Variants in DHX32 observed in about 807,000 individuals in gnomAD.
The protein encoded by DHX32 is DEAH-box helicase 32 (putative).
Under a neutral mutation model 70.0 loss-of-function variants are expected in DHX32, and 51 were observed. The ratio of observed to expected loss-of-function variants is 0.73; its 90% confidence interval spans 0.58 to 0.92. DHX32 has a LOEUF of 0.92. DHX32 is among the 40% of genes least tolerant of loss of function. DHX32 has a pLI of 0.00. For synonymous variants in DHX32, 310 were observed against 315.3 expected (o/e 0.98, Z 0.18); for missense variants, 762 against 891.8 (o/e 0.85, Z 1.85).
intron 2 of DHX32, among the ~76,000 whole-genome samples, chr10:125,861,455 C>T (rs979658993): frequency 6.6e-6 from 1 of 152,096 alleles, no homozygotes; most frequent in Non-Finnish European, 1.5e-5. Flanking sequence ...CGAGATTGCG[C>T]CAGGGCACTC....
chr10:125,857,605 A>G (rs1944156728), intron 3 of DHX32, among the ~76,000 whole-genome samples: 1 of 152,152 alleles, frequency 6.6e-6, no homozygotes, highest in African/African-American at 2.4e-5. Flanking sequence ...GTCCTGTGGC[A>G]TTTACAGTTT....
intron 3 of DHX32, among the ~76,000 whole-genome samples, chr10:125,856,650 A>G (rs1352218824): frequency 6.6e-6 from 1 of 152,186 alleles, no homozygotes; most frequent in Non-Finnish European, 1.5e-5. Context: ...ACTTCTTAAT[A>G]TAAAAAATGG....
At position 125,880,934 on chromosome 10, in the gene DHX32, C is replaced by A; in HGVS notation, c.-110G>T. On this transcript the variant is annotated 5_prime_UTR_variant, in exon 1 of 11. Coordinates refer to ENST00000284690, the MANE Select transcript of DHX32 (RefSeq NM_018180.3). ...CCTATTTATACAAACCCGTATGTTC[C>A]AATCTCTAAGACTTCAGTTCAAGGT... 1.5e-6 allele frequency: 2 copies of A among 1,300,416 alleles called. No homozygotes were observed. Among genetic ancestry groups the A allele is most frequent in the Non-Finnish European group, 2.1e-6 (2 of 948,038 alleles). 80.6% of individuals were successfully genotyped at this position (1,300,416 alleles called of 1,614,324 possible). A position where few individuals can be genotyped will look rare whatever the true frequency, so the allele number is the denominator to read the frequency against.
intron 1 of DHX32, among the ~76,000 whole-genome samples, chr10:125,892,494 TC>T (rs1200740407): frequency 6.6e-6 from 1 of 152,264 alleles, no homozygotes; most frequent in African/African-American, 2.4e-5. Flanking sequence ...TGGGCTTACT[TC>T]CTCCCATTTT....
chr10:125,860,119 G>T, intron 2 of DHX32, 144 bp from the exon 3 acceptor site: 1 of 687,422 alleles, frequency 1.5e-6, no homozygotes. Context: ...CCTTTAAGTT[G>T]ATACAATCTA....
At chr10:125,875,313 C>A (rs1165356427) in intron 1 of DHX32, among the ~76,000 whole-genome samples, 1 of 151,792 alleles carries the variant, frequency 6.6e-6, no homozygotes, top group African/African-American at 2.4e-5. Flanking sequence ...GGAACAAGGA[C>A]TCCTGGAGAA....
chr10:125,841,777 T>A lies in DHX32; in HGVS notation c.1509A>T (p.Val503=). The stretch of plus-strand genomic sequence containing the variant: ...TGGCTGCGATTGTTAGCACTTCATC[T>A]ACACAGTCAAATTCACAGGACGCTA... The part of the protein sequence containing the change: ...SILASCEFDC[V]DEVLTIAAMV... The change falls in exon 7 of 11, where the codon GTA becomes GTT. Residue 503 remains valine (V), a synonymous_variant. Coordinates refer to ENST00000284690, the MANE Select transcript of DHX32 (RefSeq NM_018180.3). The A allele has an allele frequency of 6.2e-7, 1 of 1,612,756 alleles. No individual in the cohort carries two copies. Among genetic ancestry groups the A allele is most frequent in the Non-Finnish European group, 8.5e-7 (1 of 1,179,794 alleles).
At chr10:125,884,094 A>T (rs547215433), upstream of DHX32, among the ~76,000 whole-genome samples, 1 of 152,306 alleles carries the variant, frequency 6.6e-6, no homozygotes, top group East Asian at 1.9e-4. Context: ...ACTCTGGAAC[A>T]TCTATTTCGA....
At position 125,854,184 on chromosome 10, in the gene DHX32, T is replaced by C. The variant is rs34050865; in HGVS notation, c.869A>G (p.Glu290Gly). ...ACEQDIEKVC[E>G]TVYQGSNLNP... ...TAGGTTAGATCCTTGATAGACAGTT[T>C]CACAGACTTTCTCAATATCCTAAAG... The change falls in exon 4 of 11, where the codon GAA becomes GGA. Residue 290 changes from glutamate (E) to glycine (G), a missense_variant. Coordinates refer to ENST00000284690, the MANE Select transcript of DHX32 (RefSeq NM_018180.3). 2 of 1,605,780 alleles carry C rather than the reference T, an allele frequency of 1.2e-6. No individual in the cohort carries two copies. Among genetic ancestry groups the C allele is most frequent in the African/African-American group, 2.7e-5 (2 of 74,488 alleles).
intron 4 of DHX32, chr10:125,853,322 A>C: frequency 1.3e-6 from 1 of 792,854 alleles, no homozygotes; most frequent in Non-Finnish European, 1.9e-6. Flanking sequence ...TAAATTAGTC[A>C]ATATTTGTTA....
At chr10:125,893,452 C>T (rs974467688) in intron 1 of DHX32, among the ~76,000 whole-genome samples, 2 of 152,138 alleles carry the variant, frequency 1.3e-5, no homozygotes, top group Admixed American at 1.3e-4. Flanking sequence ...ACCGTGTTAC[C>T]CAGCATGGTC....
In DHX32 at chr10:125,852,407, T is replaced by C. The variant is rs902561350; in HGVS notation, c.1237A>G (p.Met413Val). The C allele has an allele frequency of 6.8e-6, 11 of 1,614,126 alleles. No individual in the cohort carries two copies. Among genetic ancestry groups the C allele is most frequent in the Admixed American group, 1.7e-5 (1 of 60,014 alleles). ...LYTEEFASKD[M>V]TPLKPAEMQE... is the part of the protein sequence containing the mutation. ...ATTTCTGCTGGCTTCAGTGGCGTCA[T>C]GTCTTTGGAGGCAAATTCTTCAGTG... The change falls in exon 6 of 11, where the codon ATG becomes GTG. Residue 413 changes from methionine (M) to valine (V), a missense_variant. Coordinates refer to ENST00000284690, the MANE Select transcript of DHX32 (RefSeq NM_018180.3).
Position 125,841,165 on chromosome 10 carries a change from C to A in DHX32, c.1544-169G>T, listed in dbSNP as rs1420475736. Reference sequence around the variant, plus strand: ...GAAATCCCAGAAATTTAGAGTGAGTCATCCTAATTCTCCCTCTCCTTTTGT... The same window carrying A: ...GAAATCCCAGAAATTTAGAGTGAGTAATCCTAATTCTCCCTCTCCTTTTGT... On this transcript the variant is annotated intron_variant, in intron 7 of 10. Transcript: ENST00000284690. 47 of 1,377,618 alleles carry A rather than the reference C, an allele frequency of 3.4e-5. No homozygotes were observed. The South Asian group carries it at 5.7e-4, about 17-fold the overall frequency. 85.3% of individuals were successfully genotyped at this position (1,377,618 alleles called of 1,614,324 possible).
At chr10:125,863,044 A>T (rs536840539) in intron 2 of DHX32, among the ~76,000 whole-genome samples, 14 of 151,960 alleles carry the variant, frequency 9.2e-5, no homozygotes, top group Non-Finnish European at 5.9e-5. Flanking sequence ...TTAAGGCTAA[A>T]TTTCTAAAAG....
intron 3 of DHX32, among the ~76,000 whole-genome samples, chr10:125,859,205 T>C (rs1481960416): frequency 1.3e-5 from 2 of 152,176 alleles, no homozygotes; most frequent in Admixed American, 6.5e-5. Context: ...GCTTAGGTAA[T>C]AGTCCTGATC....
At chr10:125,842,544 C>T (rs1326664561) in intron 6 of DHX32, 1 of 152,284 alleles carries the variant, frequency 6.6e-6, no homozygotes, top group African/African-American at 2.4e-5. Context: ...CCACCTGACA[C>T]AGCTATACAG....
chr10:125,853,014 C>T lies in DHX32; in HGVS notation c.1093-372G>A, dbSNP rs942252346. 3.3e-5 allele frequency: 26 copies of T among 788,302 alleles called. No individual in the cohort carries two copies. In the African/African-American group the frequency reaches 3.7e-4, roughly 11 times the overall value. The allele number at this position is 788,302 out of a possible 1,614,324, so 48.8% of individuals were successfully genotyped here. ...TGCCATGTTTCTTTATAGTTTTGTT[C>T]AAATCAACCAGGATCTTGGTGGTCT... is the stretch of plus-strand genomic sequence containing the variant. On this transcript the variant is annotated intron_variant, in intron 4 of 10. Coordinates refer to ENST00000284690, the MANE Select transcript of DHX32 (RefSeq NM_018180.3).
At chr10:125,849,800 A>G (rs967996438) in intron 6 of DHX32, among the ~76,000 whole-genome samples, 1 of 152,194 alleles carries the variant, frequency 6.6e-6, no homozygotes, top group Non-Finnish European at 1.5e-5. Context: ...CCAAAGCCAA[A>G]TCTTGAGTTT....
chr10:125,893,770 C>T (rs528668738), intron 1 of DHX32, among the ~76,000 whole-genome samples: 2 of 152,374 alleles, frequency 1.3e-5, no homozygotes, highest in South Asian at 2.1e-4. Context: ...TCAACAAAAA[C>T]CCTAAAACCA....
Sources: gnomAD v4.1 joint callset for allele counts (sites outside exome capture counted in the v4.1 genomes callset) on GRCh38, gnomAD v4.1.1 for gene constraint, MANE v1.5 for transcripts, NCBI Gene and HGNC (gene_info 2026-07-23, HGNC 2026-07-21) for gene names.